Variants in RORA observed in about 807,000 individuals in gnomAD.
The protein encoded by RORA is nuclear receptor ROR-alpha.
RORA carries 7 observed loss-of-function variants against 69.5 expected under a neutral mutation model. The ratio of observed to expected loss-of-function variants is 0.10; its 90% CI spans 0.06 to 0.19. RORA has a LOEUF of 0.19. RORA is among the 10% of genes least tolerant of loss of function. The probability of loss-of-function intolerance (pLI) is 1.00; values close to 1 mark genes in which losing one functional copy is unlikely to be tolerated. For missense variants in RORA, 457 were observed against 663.0 expected, an observed-to-expected ratio of 0.69 and a Z score of 3.41; for synonymous variants, 261 against 240.8, an observed-to-expected ratio of 1.08 and a Z score of -0.78.
intron 1 of RORA, among the ~76,000 whole-genome samples, chr15:61,034,897 G>A (rs1339514959): frequency 1.3e-5 from 2 of 151,750 alleles, no homozygotes; most frequent in African/African-American, 2.4e-5. Flanking sequence ...AGGAAAAGCT[G>A]GAGTTTCAGT....
intron 1 of RORA, among the ~76,000 whole-genome samples, chr15:60,860,357 G>A (rs745585615): frequency 6.6e-6 from 1 of 152,176 alleles, no homozygotes; most frequent in Non-Finnish European, 1.5e-5. Flanking sequence ...TACATCACAA[G>A]GTCAAAAGTT....
chr15:60,660,419 C>G (rs1316970971), intron 2 of RORA, among the ~76,000 whole-genome samples: 1 of 152,132 alleles, frequency 6.6e-6, no homozygotes, highest in Non-Finnish European at 1.5e-5. Context: ...GGAAGAATAC[C>G]TCTGACAGAC....
chr15:60,989,976 T>C (rs1296179273), intron 1 of RORA, among the ~76,000 whole-genome samples: 6 of 151,940 alleles, frequency 3.9e-5, no homozygotes, highest in Non-Finnish European at 8.8e-5. Flanking sequence ...AATTCTGTGA[T>C]TAATTATTTT....
At chr15:60,946,416 C>T (rs1248630933) in intron 1 of RORA, among the ~76,000 whole-genome samples, 4 of 152,196 alleles carry the variant, frequency 2.6e-5, no homozygotes, top group African/African-American at 4.8e-5. Context: ...TGCAGGCGCG[C>T]GCCGCCACGC....
intron 1 of RORA, among the ~76,000 whole-genome samples, chr15:61,058,237 A>G (rs2078122873): frequency 1.3e-5 from 2 of 152,146 alleles, no homozygotes. Flanking sequence ...TGAGGGAAAT[A>G]TAGATCAGAA....
At chr15:61,085,020 C>T (rs963112576) in intron 1 of RORA, among the ~76,000 whole-genome samples, 4 of 152,078 alleles carry the variant, frequency 2.6e-5, no homozygotes, top group Non-Finnish European at 5.9e-5. Context: ...AGCCCATTTT[C>T]CTCCCACCCC....
intron 6 of RORA, among the ~76,000 whole-genome samples, chr15:60,504,068 T>C (rs1483269423): frequency 6.6e-6 from 1 of 151,932 alleles, no homozygotes; most frequent in East Asian, 1.9e-4. Flanking sequence ...CCCAAAGTGC[T>C]GGGATTACAG....
chr15:61,063,412 C>G (rs191994507), intron 1 of RORA, among the ~76,000 whole-genome samples: 9 of 152,292 alleles, frequency 5.9e-5, no homozygotes, highest in Admixed American at 5.9e-4. Context: ...ACCTGGTATA[C>G]AGTAAATGTA....
Position 60,592,474 on chromosome 15 carries a change from T to C in RORA, c.197-60623A>G. The stretch of plus-strand genomic sequence containing the variant: ...CGGATGGTCCGACCCCGGAGCCCCC[T>C]CTGCCGCCGCCGCGCCGCCGCCGCC... On this transcript the variant is annotated intron_variant, in intron 2 of 10. Transcript: ENST00000335670. The C allele has an allele frequency of 2.2e-6, 3 of 1,358,136 alleles. No homozygotes were observed. In the East Asian group the frequency reaches 9.6e-5, roughly 44 times the overall value. 84.1% of individuals were successfully genotyped at this position (1,358,136 alleles called of 1,614,324 possible).
chr15:60,974,437 T>C (rs564050255), intron 1 of RORA, among the ~76,000 whole-genome samples: 2 of 152,146 alleles, frequency 1.3e-5, no homozygotes, highest in Non-Finnish European at 2.9e-5. Flanking sequence ...TTTCTCCCCT[T>C]CACACAGCCA....
rs1275887370 is a variant in RORA, at chr15:60,516,197, TTATATATATATTTA to T, written c.283-1454_283-1441del. ...TTTATATATATATTTATATATATATTTATATATATATTTATATATATATATTTATATATATATTT... is the reference window on the plus strand; with the variant it reads ...TTTATATATATATTTATATATATATTTATATATATATTTATATATATATTT... On this transcript the variant is annotated intron_variant, in intron 3 of 10. Coordinates refer to ENST00000335670, the MANE Select transcript of RORA (RefSeq NM_134261.3). 5.0e-3 allele frequency among the ~76,000 whole-genome samples: 66 copies of T among 13,166 alleles called. 1 individual carries two copies. The highest frequency in any genetic ancestry group is 0.023 in the African/African-American group (58 of 2,532). 8.6% of individuals were successfully genotyped at this position (13,166 alleles called of 152,430 possible). A position where few individuals can be genotyped will look rare whatever the true frequency, so the allele number is the denominator to read the frequency against.
At chr15:61,157,716 T>A (rs943170463) in intron 1 of RORA, among the ~76,000 whole-genome samples, 3 of 152,210 alleles carry the variant, frequency 2.0e-5, no homozygotes, top group Non-Finnish European at 2.9e-5. Context: ...TTTAAAGGAA[T>A]CTGATTCTCT....
intron 5 of RORA, among the ~76,000 whole-genome samples, chr15:60,508,955 A>G (rs545089440): frequency 6.6e-6 from 1 of 152,346 alleles, no homozygotes; most frequent in Admixed American, 6.5e-5. Context: ...TTTCACTAAA[A>G]GTAATAGGTT....
Position 60,753,288 on chromosome 15 carries a change from G to A in RORA, c.167-74602C>T, listed in dbSNP as rs71411428. Among the ~76,000 whole-genome samples, 652 of 152,292 alleles carry A rather than the reference G, an allele frequency of 4.3e-3. 7 individuals carry two copies. In the East Asian group the frequency reaches 0.047, roughly 11 times the overall value. On this transcript the variant is annotated intron_variant, in intron 1 of 10. Transcript: ENST00000335670. ...CTTACCCAAGATAGCAGATATTACC[G>A]TCTTTCATCTCTGTTACAGGGTGGG...
chr15:60,995,378 G>A lies in RORA; in HGVS notation c.166+233675C>T, dbSNP rs562238103. ...TTCTCAAATGATTCTCGGCCAGCGCGAGGCCTCCTGGCCTTCAGGGCCTCA... is the reference window on the plus strand; with the variant it reads ...TTCTCAAATGATTCTCGGCCAGCGCAAGGCCTCCTGGCCTTCAGGGCCTCA... On this transcript the variant is annotated intron_variant, in intron 1 of 10. Transcript: ENST00000335670. Among the ~76,000 whole-genome samples the A allele has an allele frequency of 1.8e-4, 28 of 152,256 alleles. No individual in the cohort carries two copies. The South Asian group carries it at 4.8e-3, about 26-fold the overall frequency.
At chr15:61,206,839 T>C (rs2079946486) in intron 1 of RORA, among the ~76,000 whole-genome samples, 1 of 152,148 alleles carries the variant, frequency 6.6e-6, no homozygotes. Flanking sequence ...CTTATCTTTC[T>C]CCACAAGAAT....
chr15:60,790,133 T>C (rs341448), intron 1 of RORA, among the ~76,000 whole-genome samples: 149 of 152,372 alleles, frequency 9.8e-4, no homozygotes, highest in African/African-American at 3.5e-3. Context: ...TTAGAGGTCT[T>C]AGCACTCATA....
chr15:61,184,715 T>C (rs2079722874), intron 1 of RORA, among the ~76,000 whole-genome samples: 3 of 152,118 alleles, frequency 2.0e-5, no homozygotes, highest in Admixed American at 2.0e-4. Context: ...CTGGGAGTGA[T>C]GGCTCAAACC....
intron 1 of RORA, among the ~76,000 whole-genome samples, chr15:60,717,243 G>A (rs1341497761): frequency 6.6e-6 from 1 of 152,150 alleles, no homozygotes; most frequent in Non-Finnish European, 1.5e-5. Context: ...TTGTTGTGGT[G>A]GTATGTATGC....
Sources: gnomAD v4.1 joint callset for allele counts (sites outside exome capture counted in the v4.1 genomes callset) on GRCh38, gnomAD v4.1.1 for gene constraint, MANE v1.5 for transcripts, NCBI Gene and HGNC (gene_info 2026-07-23, HGNC 2026-07-21) for gene names.